TNKS2: variants seen among roughly 807,000 people sequenced by gnomAD.
TNKS2 encodes tankyrase 2.
Under a neutral mutation model 137.6 loss-of-function variants are expected in TNKS2, and 72 were observed. The ratio of observed to expected loss-of-function variants is 0.52; its 90% CI spans 0.43 to 0.64. TNKS2 has a LOEUF of 0.64. Among genes scored for constraint, TNKS2 ranks in the 30% least tolerant of loss-of-function variants. The probability of loss-of-function intolerance (pLI) is 0.00; values close to 1 mark genes in which losing one functional copy is unlikely to be tolerated. For synonymous variants in TNKS2, 516 were observed against 512.1 expected, an observed-to-expected ratio of 1.01 and a Z score of -0.10; for missense variants, 1,049 against 1,410.2, an observed-to-expected ratio of 0.74 and a Z score of 4.10.
Position 91,842,351 on chromosome 10 carries a change from C to T in TNKS2, c.2019C>T (p.Arg673=), listed in dbSNP as rs751558431. ...KLSSPDNVNC[R]DTQGRHSTPL... is the part of the protein sequence containing the mutation. ...CTTCTCCTGATAATGTAAATTGCCGCGATACCCAAGGCAGACATTCAACAC... is the reference window on the plus strand; with the variant it reads ...CTTCTCCTGATAATGTAAATTGCCGTGATACCCAAGGCAGACATTCAACAC... Residue 673 remains arginine, a synonymous_variant, in exon 16 of 27, where the codon CGC becomes CGT. Transcript: ENST00000371627. 6.6e-5 allele frequency: 106 copies of T among 1,613,934 alleles called. No individual in the cohort carries two copies. The highest frequency in any genetic ancestry group is 8.4e-5 in the Non-Finnish European group (99 of 1,179,980).
At chr10:91,847,736 C>A (rs1484465970) in intron 18 of TNKS2, among the ~76,000 whole-genome samples, 1 of 152,310 alleles carries the variant, frequency 6.6e-6, no homozygotes, top group Non-Finnish European at 1.5e-5. Flanking sequence ...GGAACAAATA[C>A]ATTGCTGAAT....
chr10:91,853,865 A>G (rs1312949031), intron 21 of TNKS2, among the ~76,000 whole-genome samples: 1 of 152,212 alleles, frequency 6.6e-6, no homozygotes, highest in Non-Finnish European at 1.5e-5. Context: ...CCATGCACTA[A>G]CCCAGCAGTA....
In TNKS2 at chr10:91,862,137, T is replaced by G; in HGVS notation, c.3420T>G (p.Val1140=). The change falls in exon 26 of 27, where the codon GTT becomes GTG. Residue 1140 remains valine (V), a synonymous_variant. Coordinates refer to ENST00000371627, the MANE Select transcript of TNKS2 (RefSeq NM_025235.4). ...SVNGLALAEY[V]IYRGEQAYPE... ...ATGGCCTAGCATTAGCTGAATATGTTATTTACAGAGGAGAACAGGTAATGT... is the reference window on the plus strand; with the variant it reads ...ATGGCCTAGCATTAGCTGAATATGTGATTTACAGAGGAGAACAGGTAATGT... 6.2e-7 allele frequency: 1 copy of G among 1,607,370 alleles called. No individual in the cohort carries two copies. The highest frequency in any genetic ancestry group is 1.3e-5 in the African/African-American group (1 of 74,700).
At position 91,855,607 on chromosome 10, in the gene TNKS2, C is replaced by G. The variant is rs1842685024; in HGVS notation, c.2914-7C>G. On this transcript the variant is annotated splice_region_variant and splice_polypyrimidine_tract_variant and intron_variant, in intron 22 of 26. Coordinates refer to ENST00000371627, the MANE Select transcript of TNKS2 (RefSeq NM_025235.4). ...TGCACATATATTTCAAACCATTTTT[C>G]TGACAGATGCAAAGTACAGTTCGAG... 6.2e-7 allele frequency: 1 copy of G among 1,606,610 alleles called. No individual in the cohort carries two copies. The highest frequency in any genetic ancestry group is 8.5e-7 in the Non-Finnish European group (1 of 1,176,698).
rs540145596 is a variant in TNKS2 at position 91,823,845 on chromosome 10, T to C, written c.795+1483T>C. Among the ~76,000 whole-genome samples the C allele has an allele frequency of 9.2e-5, 14 of 152,328 alleles. No individual in the cohort carries two copies. The East Asian group carries it at 1.5e-3, about 17-fold the overall frequency. ...TGGTTCCTTTCGGGCCTGAGTCTTATGAAATACGTTTTCCCATAGAAACAA... is the reference window on the plus strand; with the variant it reads ...TGGTTCCTTTCGGGCCTGAGTCTTACGAAATACGTTTTCCCATAGAAACAA... On this transcript the variant is annotated intron_variant, in intron 7 of 26. Coordinates refer to ENST00000371627, the MANE Select transcript of TNKS2 (RefSeq NM_025235.4).
Position 91,863,341 on chromosome 10 carries a change from C to T in TNKS2, c.*342C>T, listed in dbSNP as rs189518244. The T allele has an allele frequency of 3.9e-5, 7 of 179,558 alleles. No homozygotes were observed. The East Asian group carries it at 1.0e-3, about 26-fold the overall frequency. The allele number at this position is 179,558 out of a possible 1,614,324, so 11.1% of individuals were successfully genotyped here. A position where few individuals can be genotyped will look rare whatever the true frequency, so the allele number is the denominator to read the frequency against. Reference sequence around the variant, plus strand: ...CTCAACAGAACTAATTTTACTAATACAATACTGTGTTCTTTAAAACACAGC... The same window carrying T: ...CTCAACAGAACTAATTTTACTAATATAATACTGTGTTCTTTAAAACACAGC... On this transcript the variant is annotated 3_prime_UTR_variant, in exon 27 of 27. Coordinates refer to ENST00000371627, the MANE Select transcript of TNKS2 (RefSeq NM_025235.4).
intron 13 of TNKS2, among the ~76,000 whole-genome samples, chr10:91,839,483 G>T (rs369912210): frequency 6.6e-6 from 1 of 151,508 alleles, no homozygotes; most frequent in African/African-American, 2.4e-5. Flanking sequence ...GTAGAGACAG[G>T]GTTTTGCCAT....
At chr10:91,857,783 T>C (rs1358731611) in intron 24 of TNKS2, among the ~76,000 whole-genome samples, 1 of 152,202 alleles carries the variant, frequency 6.6e-6, no homozygotes, top group Non-Finnish European at 1.5e-5. Context: ...CTTTTTTCTT[T>C]AAATAGTAAA....
chr10:91,853,001 A>G (rs1443126737), intron 21 of TNKS2, among the ~76,000 whole-genome samples: 1 of 152,224 alleles, frequency 6.6e-6, no homozygotes, highest in Non-Finnish European at 1.5e-5. Context: ...TTAGTATACA[A>G]TATAATTAGC....
intron 1 of TNKS2, among the ~76,000 whole-genome samples, chr10:91,804,735 A>C (rs1220410610): frequency 2.0e-5 from 3 of 152,168 alleles, no homozygotes; most frequent in African/African-American, 7.2e-5. Context: ...ATTACTCCTC[A>C]GTTTGGGAAG....
rs1845231963 is a variant in TNKS2 at position 91,831,098 on chromosome 10, C to CT, written c.1197-4dup. The CT allele has an allele frequency of 6.2e-7, 1 of 1,613,774 alleles. No individual in the cohort carries two copies. Among genetic ancestry groups the CT allele is most frequent in the African/African-American group, 1.3e-5 (1 of 74,902 alleles). Reference sequence around the variant, plus strand: ...TCACTGTCTGGCTGATTTTTTCTCTCTAAGATTCTTGACTCCTCTGCACGT... The same window carrying CT: ...TCACTGTCTGGCTGATTTTTTCTCTCTTAAGATTCTTGACTCCTCTGCACGT... On this transcript the variant is annotated splice_polypyrimidine_tract_variant and splice_region_variant and intron_variant, in intron 10 of 26. Coordinates refer to ENST00000371627, the MANE Select transcript of TNKS2 (RefSeq NM_025235.4).
chr10:91,851,518 T>C (rs1842537076), intron 21 of TNKS2, among the ~76,000 whole-genome samples, 182 bp downstream of exon 21: 1 of 152,226 alleles, frequency 6.6e-6, no homozygotes, highest in Non-Finnish European at 1.5e-5. Context: ...ACTGAGCTGC[T>C]GCTGTTAACG....
intron 1 of TNKS2, chr10:91,807,584 T>C (rs1012187387): frequency 1.4e-4 from 106 of 752,044 alleles, no homozygotes; most frequent in Non-Finnish European, 1.6e-4. Flanking sequence ...TTTCATATAC[T>C]GTGATACCTT....
chr10:91,828,235 G>C (rs775796155), intron 8 of TNKS2, 50 bp from the exon 9 acceptor site: 25 of 1,413,900 alleles, frequency 1.8e-5, no homozygotes, highest in Non-Finnish European at 2.0e-5. Context: ...TTTAGATAAG[G>C]CTTTTCAATT....
At chr10:91,815,503 A>G (rs762889098) in intron 2 of TNKS2, among the ~76,000 whole-genome samples, 40 of 151,976 alleles carry the variant, frequency 2.6e-4, no homozygotes, top group South Asian at 1.0e-3. Context: ...AATCTGCACT[A>G]TCCAATATGG....
chr10:91,818,067 T>G (rs1844768873), intron 3 of TNKS2, among the ~76,000 whole-genome samples: 1 of 152,258 alleles, frequency 6.6e-6, no homozygotes, highest in Non-Finnish European at 1.5e-5. Context: ...ATGAAAAGAC[T>G]TCTAGAAGTG....
intron 21 of TNKS2, among the ~76,000 whole-genome samples, chr10:91,851,808 A>G (rs1207795039): frequency 3.9e-5 from 6 of 152,224 alleles, no homozygotes; most frequent in Non-Finnish European, 7.3e-5. Flanking sequence ...TAATGTTGCA[A>G]CTGAGGAAAT....
chr10:91,827,271 GT>G, intron 8 of TNKS2, 68 bp downstream of exon 8: 1 of 1,243,908 alleles, frequency 8.0e-7, no homozygotes, highest in Non-Finnish European at 1.0e-6. Context: ...TTTCTTTCCT[GT>G]TTGTTTTTAG....
At chr10:91,817,645 T>G (rs1844752518) in intron 3 of TNKS2, among the ~76,000 whole-genome samples, 1 of 152,202 alleles carries the variant, frequency 6.6e-6, no homozygotes, top group Non-Finnish European at 1.5e-5. Flanking sequence ...GTACTATTTT[T>G]TTTAATGTAT....
Sources: allele counts gnomAD v4.1 joint callset (sites outside exome capture counted in the v4.1 genomes callset), GRCh38; gene constraint gnomAD v4.1.1; transcripts MANE v1.5; gene names NCBI Gene and HGNC (gene_info 2026-07-23, HGNC 2026-07-21).